The following PDE11A variants were observed in gnomAD, a reference collection of about 807,000 sequenced individuals.
The protein encoded by PDE11A is dual 3',5'-cyclic-AMP and -GMP phosphodiesterase 11A.
PDE11A carries 100 observed loss-of-function variants against 100.5 expected under a neutral mutation model. The observed-to-expected ratio is 1.00, with a 90% CI of 0.85 to 1.18. PDE11A has a LOEUF of 1.18. Among genes scored for constraint, PDE11A ranks in the 50% most tolerant of loss-of-function variants. The pLI is 0.00. For synonymous variants in PDE11A, 381 were observed against 420.8 expected (o/e 0.91, Z 1.16); for missense variants, 1,141 against 1,152.6 (o/e 0.99, Z 0.15).
chr2:177,663,907 G>T lies in PDE11A; in HGVS notation c.2605C>A (p.Gln869Lys). ...RNRKDELPRL[Q>K]LEWIDSICMP... ...CAGATGCTATCAATCCACTCCAGTT[G>T]CAACCGAGGCAGTTCATCCTTCCGG... Residue 869 changes from glutamine to lysine, a missense_variant, in exon 19 of 20, where the codon CAA (glutamine) becomes AAA (lysine). Gln to Lys is a moderately conservative substitution (Grantham distance 53). Coordinates refer to ENST00000286063, the MANE Select transcript of PDE11A (RefSeq NM_016953.4). The T allele has an allele frequency of 6.2e-7, 1 of 1,612,082 alleles. No individual in the cohort carries two copies. The highest frequency in any genetic ancestry group is 1.1e-5 in the South Asian group (1 of 91,048).
chr2:177,660,522 T>C (rs2080470737), intron 19 of PDE11A, among the ~76,000 whole-genome samples: 1 of 152,234 alleles, frequency 6.6e-6, no homozygotes, highest in Non-Finnish European at 1.5e-5. Context: ...AATCTCAAGA[T>C]TACTTAGATA....
chr2:177,792,835 A>G (rs2082652116), intron 9 of PDE11A, among the ~76,000 whole-genome samples: 1 of 152,228 alleles, frequency 6.6e-6, no homozygotes, highest in Admixed American at 6.5e-5. Flanking sequence ...TATCCATTGA[A>G]GACTTAATTT....
intron 15 of PDE11A, among the ~76,000 whole-genome samples, chr2:177,683,703 G>T (rs1261622437): frequency 1.3e-5 from 2 of 152,126 alleles, no homozygotes; most frequent in African/African-American, 4.8e-5. Flanking sequence ...ACCCTTCAAA[G>T]TGTCTGCTTG....
intron 2 of PDE11A, among the ~76,000 whole-genome samples, chr2:177,958,780 A>T (rs1260367043): frequency 2.6e-5 from 4 of 152,210 alleles, no homozygotes; most frequent in African/African-American, 9.6e-5. Context: ...CCAGAGTTAG[A>T]GATTAATAGT....
Position 177,840,316 on chromosome 2 carries a change from C to T in PDE11A, c.1435G>A (p.Val479Ile), listed in dbSNP as rs768633215. The T allele has an allele frequency of 6.2e-7, 1 of 1,613,774 alleles. No individual in the cohort carries two copies. Among genetic ancestry groups the T allele is most frequent in the South Asian group, 1.1e-5 (1 of 91,082 alleles). ...WLINNSIAELVASTGLPVNIS... is the reference protein window; with the variant it reads ...WLINNSIAELIASTGLPVNIS... ...TTCACTGGAAGGCCTGTTGAAGCAA[C>T]CAGCTCAGCAATGCTGTTATTTATT... is the stretch of plus-strand genomic sequence containing the variant. Residue 479 changes from valine to isoleucine, a missense_variant, in exon 6 of 20, where the codon GTT becomes ATT. Val to Ile is a conservative substitution (Grantham distance 29). Coordinates refer to ENST00000286063, the MANE Select transcript of PDE11A (RefSeq NM_016953.4).
intron 10 of PDE11A, among the ~76,000 whole-genome samples, chr2:177,746,802 G>C (rs533880808): frequency 6.6e-6 from 1 of 152,240 alleles, no homozygotes; most frequent in South Asian, 2.1e-4. Context: ...AGGGTGAGAG[G>C]GGAAGAGGGG....
intron 10 of PDE11A, among the ~76,000 whole-genome samples, chr2:177,746,806 A>G (rs1164310353): frequency 1.3e-5 from 2 of 152,222 alleles, no homozygotes; most frequent in Non-Finnish European, 1.5e-5. Flanking sequence ...TGAGAGGGGA[A>G]GAGGGGAGGA....
intron 10 of PDE11A, among the ~76,000 whole-genome samples, chr2:177,747,236 G>A (rs979285001): frequency 7.9e-5 from 12 of 152,182 alleles, no homozygotes; most frequent in African/African-American, 2.9e-4. Context: ...ATTTTGTCAG[G>A]GACCTGCTTC....
At chr2:177,672,591 C>A (rs2080699821) in intron 17 of PDE11A, among the ~76,000 whole-genome samples, 3 of 152,112 alleles carry the variant, frequency 2.0e-5, no homozygotes, top group Admixed American at 2.0e-4. Context: ...ACAATTATAA[C>A]TAAAAGCTAA....
chr2:177,930,430 C>T (rs1441739533), intron 2 of PDE11A, among the ~76,000 whole-genome samples: 2 of 139,504 alleles, frequency 1.4e-5, no homozygotes, highest in African/African-American at 5.3e-5. Context: ...TAGAATAGAC[C>T]AAAAAAAAAA....
intron 4 of PDE11A, among the ~76,000 whole-genome samples, chr2:177,895,160 C>T (rs926607314): frequency 2.0e-5 from 3 of 151,768 alleles, no homozygotes; most frequent in Admixed American, 1.3e-4. Context: ...TCAAGAGATG[C>T]TTTTTTGGAG....
rs2081380730 is a variant in PDE11A, at chr2:177,713,122, C to T, written c.2044-1244G>A. Among the ~76,000 whole-genome samples, 4 of 152,088 alleles carry T rather than the reference C, an allele frequency of 2.6e-5. No homozygotes were observed. In the South Asian group the frequency reaches 8.3e-4, roughly 32 times the overall value. Reference sequence around the variant, plus strand: ...CTCCTGGGTTCAAGTGATTCTCCTGCCTCAGCTTCCCCAGTAGCTGGGATT... The same window carrying T: ...CTCCTGGGTTCAAGTGATTCTCCTGTCTCAGCTTCCCCAGTAGCTGGGATT... On this transcript the variant is annotated intron_variant, in intron 12 of 19. Coordinates refer to ENST00000286063, the MANE Select transcript of PDE11A (RefSeq NM_016953.4).
intron 2 of PDE11A, among the ~76,000 whole-genome samples, chr2:178,094,854 G>C (rs1380000680): frequency 6.6e-6 from 1 of 152,170 alleles, no homozygotes; most frequent in Non-Finnish European, 1.5e-5. Flanking sequence ...AGCATGAAAA[G>C]GAGGAATTTC....
At chr2:177,681,376 A>T (rs2080861070) in intron 15 of PDE11A, among the ~76,000 whole-genome samples, 1 of 152,250 alleles carries the variant, frequency 6.6e-6, no homozygotes, top group South Asian at 2.1e-4. Context: ...TTAGAAAATA[A>T]CTATTTCACC....
chr2:178,108,183 G>C (rs576779413), intron 1 of PDE11A: 1 of 152,224 alleles, frequency 6.6e-6, no homozygotes, highest in Admixed American at 6.5e-5. Context: ...AAATGCTAAT[G>C]AAACACTTTT....
At chr2:178,010,296 A>G (rs2086260544) in intron 2 of PDE11A, among the ~76,000 whole-genome samples, 1 of 152,206 alleles carries the variant, frequency 6.6e-6, no homozygotes, top group South Asian at 2.1e-4. Context: ...TCTTACTTGT[A>G]GGCAACATTG....
At chr2:177,861,187 A>C (rs1242920046) in intron 5 of PDE11A, among the ~76,000 whole-genome samples, 1 of 151,848 alleles carries the variant, frequency 6.6e-6, no homozygotes, top group Non-Finnish European at 1.5e-5. Flanking sequence ...ATATACAGAT[A>C]ATTTTAAGGA....
intron 19 of PDE11A, among the ~76,000 whole-genome samples, chr2:177,645,049 A>G (rs2080203080): frequency 6.6e-6 from 1 of 152,222 alleles, no homozygotes; most frequent in Non-Finnish European, 1.5e-5. Context: ...CTTTATTAGC[A>G]GTGTGAAAAC....
intron 2 of PDE11A, among the ~76,000 whole-genome samples, chr2:178,098,819 T>C (rs1265970757): frequency 6.6e-6 from 1 of 152,210 alleles, no homozygotes; most frequent in African/African-American, 2.4e-5. Flanking sequence ...TTCAATGTGT[T>C]CCTACTGCAT....
Sources: allele counts gnomAD v4.1 joint callset (sites outside exome capture counted in the v4.1 genomes callset), GRCh38; gene constraint gnomAD v4.1.1; transcripts MANE v1.5; gene names NCBI Gene and HGNC (gene_info 2026-07-23, HGNC 2026-07-21).